The following ESRP1 variants were observed in gnomAD, a reference collection of about 807,000 sequenced individuals.
The protein encoded by ESRP1 is RNA-binding motif protein 35A.
Under a neutral mutation model 81.7 loss-of-function variants are expected in ESRP1, and 33 were observed. The ratio of observed to expected loss-of-function variants is 0.40; its 90% confidence interval spans 0.31 to 0.54. ESRP1 has a LOEUF of 0.54. Among genes scored for constraint, ESRP1 ranks in the 20% least tolerant of loss-of-function variants. The pLI is 0.41. For missense variants in ESRP1, 672 were observed against 833.1 expected (o/e 0.81, Z 2.38); for synonymous variants, 320 against 303.3 (o/e 1.06, Z -0.57).
chr8:94,666,467 T>A (rs1328897674), intron 9 of ESRP1, among the ~76,000 whole-genome samples: 2 of 152,246 alleles, frequency 1.3e-5, no homozygotes, highest in Admixed American at 1.3e-4. Context: ...TTGGGATAAA[T>A]CTCTAAAAGC....
intron 13 of ESRP1, among the ~76,000 whole-genome samples, chr8:94,683,579 A>G (rs2130686058): frequency 6.6e-6 from 1 of 152,288 alleles, no homozygotes; most frequent in South Asian, 2.1e-4. Flanking sequence ...GACCAAGAAA[A>G]AAGAATTCTT....
At position 94,662,552 on chromosome 8, in the gene ESRP1, C is replaced by A. The variant is rs753536820; in HGVS notation, c.641C>A (p.Thr214Asn). The change falls in exon 6 of 16, where the codon ACT becomes AAT. Residue 214 changes from threonine to asparagine, a missense_variant. By Grantham distance (65) the Thr-to-Asn change is moderately conservative. Transcript: ENST00000433389. ...ERVNYKFESG[T>N]CSKMELIDDN... ...GTGAATTACAAGTTTGAAAGTGGAA[C>A]TTGGTAAGTGCTTGAGTACTATTTA... is the stretch of plus-strand genomic sequence containing the variant. The A allele has an allele frequency of 6.2e-7, 1 of 1,603,458 alleles. No homozygotes were observed. Among genetic ancestry groups the A allele is most frequent in the South Asian group, 1.1e-5 (1 of 89,494 alleles).
At chr8:94,650,691 A>C (rs1340994432) in intron 4 of ESRP1, among the ~76,000 whole-genome samples, 1 of 152,028 alleles carries the variant, frequency 6.6e-6, no homozygotes, top group Non-Finnish European at 1.5e-5. Flanking sequence ...GCAGGTTTTC[A>C]TATGGACATA....
intron 3 of ESRP1, among the ~76,000 whole-genome samples, chr8:94,645,851 G>A (rs1252475680): frequency 6.6e-6 from 1 of 152,142 alleles, no homozygotes; most frequent in Non-Finnish European, 1.5e-5. Flanking sequence ...GAAAAAATTA[G>A]TATTAACAGC....
chr8:94,642,027 T>C lies in ESRP1; in HGVS notation c.204T>C (p.Thr68=). ...TGACGGAGGACTGCAAAGAAGAAAC[T>C]AAAATAGACGTCGAAAGCCTGTCCT... The part of the protein sequence containing the change: ...LELTEDCKEE[T]KIDVESLSSA... Residue 68 remains threonine, a synonymous_variant, in exon 2 of 16, where the codon ACT becomes ACC. Coordinates refer to ENST00000433389, the MANE Select transcript of ESRP1 (RefSeq NM_017697.4). The C allele has an allele frequency of 6.2e-7, 1 of 1,613,928 alleles. No homozygotes were observed. Among genetic ancestry groups the C allele is most frequent in the Non-Finnish European group, 8.5e-7 (1 of 1,179,880 alleles).
intron 15 of ESRP1, among the ~76,000 whole-genome samples, chr8:94,704,766 GA>G (rs10618511): frequency 1.2e-3 from 129 of 108,728 alleles, no homozygotes; most frequent in Middle Eastern, 0.011. Flanking sequence ...ATCTCTTTTT[GA>G]AAAAAAAAAA....
intron 13 of ESRP1, among the ~76,000 whole-genome samples, chr8:94,687,178 C>A (rs1809177344): frequency 6.6e-6 from 1 of 152,172 alleles, no homozygotes; most frequent in South Asian, 2.1e-4. Context: ...CCCCTCTCCC[C>A]ACCCCTAAAC....
intron 4 of ESRP1, among the ~76,000 whole-genome samples, chr8:94,650,948 G>T (rs182971784): frequency 2.4e-4 from 36 of 152,140 alleles, no homozygotes; most frequent in Non-Finnish European, 2.9e-5. Context: ...CTCGTGATCC[G>T]CCCGCCTTGG....
intron 4 of ESRP1, among the ~76,000 whole-genome samples, chr8:94,654,157 AAAAATAC>A (rs2130570583): frequency 1.3e-5 from 1 of 78,972 alleles, no homozygotes; most frequent in South Asian, 4.8e-4. Flanking sequence ...CGTCTCTACT[AAAAATAC>A]AAAATTATCT....
At chr8:94,668,467 C>T (rs1164732720) in intron 10 of ESRP1, 6 of 373,166 alleles carry the variant, frequency 1.6e-5, no homozygotes, top group East Asian at 4.2e-5. Context: ...AAATGGGATA[C>T]TGCTATAGCT....
At chr8:94,665,301 T>A in intron 9 of ESRP1, 105 bp downstream of exon 9, 1 of 1,107,902 alleles carries the variant, frequency 9.0e-7, no homozygotes, top group South Asian at 1.4e-5. Flanking sequence ...TGGTTTTTAT[T>A]TTCTAATGGA....
intron 4 of ESRP1, among the ~76,000 whole-genome samples, chr8:94,659,423 G>A (rs377329616): frequency 6.6e-6 from 1 of 152,162 alleles, no homozygotes; most frequent in African/African-American, 2.4e-5. Flanking sequence ...AGTGTTGTGT[G>A]TGTTCGGCTG....
chr8:94,664,416 G>A (rs140599365), intron 6 of ESRP1, among the ~76,000 whole-genome samples: 3 of 152,228 alleles, frequency 2.0e-5, no homozygotes, highest in African/African-American at 7.2e-5. Context: ...AAGCCACCAC[G>A]CCTGGCCTTC....
Position 94,705,982 on chromosome 8 carries a change from A to T in ESRP1, c.*93A>T, listed in dbSNP as rs77508375. On this transcript the variant is annotated 3_prime_UTR_variant, in exon 16 of 16. Transcript: ENST00000433389. The stretch of plus-strand genomic sequence containing the variant: ...CCAGACACAAGAAAACTTCTAGCAA[A>T]TTCAGGGGAAGTTTGTCTACACTCA... The T allele has an allele frequency of 9.8e-4, 1,490 of 1,524,298 alleles. 10 individuals are homozygous for T. The African/African-American group carries it at 0.019, about 19-fold the overall frequency. 94.4% of individuals were successfully genotyped at this position (1,524,298 alleles called of 1,614,324 possible).
intron 15 of ESRP1, among the ~76,000 whole-genome samples, chr8:94,704,027 A>T (rs1809955243): frequency 6.6e-6 from 1 of 152,238 alleles, no homozygotes; most frequent in Admixed American, 6.5e-5. Context: ...AATTGTGGTC[A>T]CTTTGGAAAC....
At chr8:94,679,524 G>A in intron 13 of ESRP1, among the ~76,000 whole-genome samples, 1 of 152,178 alleles carries the variant, frequency 6.6e-6, no homozygotes. Context: ...ATCACTACTT[G>A]CCACCTGAGT....
chr8:94,660,074 T>C (rs978420879), intron 4 of ESRP1, among the ~76,000 whole-genome samples: 2 of 152,190 alleles, frequency 1.3e-5, no homozygotes, highest in South Asian at 2.1e-4. Flanking sequence ...TTGCAGTGAG[T>C]TACCCAGAAG....
intron 13 of ESRP1, among the ~76,000 whole-genome samples, chr8:94,683,962 C>T (rs571465084): frequency 2.6e-5 from 4 of 152,164 alleles, no homozygotes; most frequent in African/African-American, 4.8e-5. Context: ...ATTCTCCTGC[C>T]GCAGCCTCCC....
intron 4 of ESRP1, among the ~76,000 whole-genome samples, chr8:94,648,133 T>A (rs527742151): frequency 3.3e-5 from 5 of 152,214 alleles, no homozygotes; most frequent in African/African-American, 7.2e-5. Flanking sequence ...TGCATGAGAC[T>A]GTAGTCCTAG....
Sources: gnomAD v4.1 joint callset for allele counts (sites outside exome capture counted in the v4.1 genomes callset) on GRCh38, gnomAD v4.1.1 for gene constraint, MANE v1.5 for transcripts, NCBI Gene and HGNC (gene_info 2026-07-23, HGNC 2026-07-21) for gene names.